PER3: variants seen among roughly 807,000 people sequenced by gnomAD.
The protein encoded by PER3 is period circadian protein homolog 3.
Under a neutral mutation model 127.2 loss-of-function variants are expected in PER3, and 107 were observed. That is an observed-to-expected ratio of 0.84 (90% CI 0.72 to 0.99). PER3 has a LOEUF of 0.99. PER3 is among the 50% of genes least tolerant of loss of function. The pLI, the probability that PER3 is intolerant of heterozygous loss-of-function variation, is 0.00. For synonymous variants in PER3, 618 were observed against 585.8 expected (o/e 1.05, Z -0.79); for missense variants, 1,560 against 1,525.8 (o/e 1.02, Z -0.37).
intron 7 of PER3, among the ~76,000 whole-genome samples, chr1:7,800,843 G>C (rs1165758804): frequency 7.5e-6 from 1 of 133,370 alleles, no homozygotes; most frequent in Non-Finnish European, 1.6e-5. Flanking sequence ...AAAAAAAAAA[G>C]AGAGAAAACT....
chr1:7,822,449 C>T (rs2097281612), intron 16 of PER3, among the ~76,000 whole-genome samples: 1 of 151,920 alleles, frequency 6.6e-6, no homozygotes, highest in African/African-American at 2.4e-5. Flanking sequence ...GAGATGATAT[C>T]ACCATGTTGG....
chr1:7,785,891 C>T (rs892171512), intron 3 of PER3, among the ~76,000 whole-genome samples: 1 of 152,196 alleles, frequency 6.6e-6, no homozygotes, highest in Non-Finnish European at 1.5e-5. Context: ...ATATTGTCTT[C>T]TATGGAAGTT....
At chr1:7,793,523 AAAAG>A (rs1188783437) in intron 5 of PER3, among the ~76,000 whole-genome samples, 6 of 152,216 alleles carry the variant, frequency 3.9e-5, no homozygotes, top group African/African-American at 1.2e-4. Context: ...CTTAAAGAAA[AAAAG>A]AAAATTATAT....
At chr1:7,830,992 G>A (rs942159931) in intron 19 of PER3, among the ~76,000 whole-genome samples, 1 of 152,112 alleles carries the variant, frequency 6.6e-6, no homozygotes, top group Non-Finnish European at 1.5e-5. Flanking sequence ...CCATTTCTCA[G>A]TTTCTACAAA....
intron 21 of PER3, among the ~76,000 whole-genome samples, 172 bp downstream of exon 21, chr1:7,837,321 CAT>C (rs1036358256): frequency 1.3e-5 from 2 of 152,166 alleles, no homozygotes; most frequent in Non-Finnish European, 2.9e-5. Context: ...AGGTTATACA[CAT>C]GTGAAATAAT....
chr1:7,786,798 C>G lies in PER3; in HGVS notation c.352C>G (p.Leu118Val), dbSNP rs959966361. 6.2e-7 allele frequency: 1 copy of G among 1,609,568 alleles called. No individual in the cohort carries two copies. Among genetic ancestry groups the G allele is most frequent in the African/African-American group, 1.3e-5 (1 of 74,934 alleles). The change falls in exon 4 of 22, where the codon CTG becomes GTG. Residue 118 changes from leucine to valine, a missense_variant. By Grantham distance (32) the Leu-to-Val change is conservative (BLOSUM62 1). Around this residue, in one of 3 missense-constraint regions of PER3, gnomAD observed 1,332 missense variants for 1,223.6 expected, o/e 1.09. Coordinates refer to ENST00000377532, the MANE Select transcript of PER3 (RefSeq NM_001377275.1). ...TGTGAGCATGTACAGTCTTGAGGAGCTGGCCACTATCGCTTCAGAACACAC... is the reference window on the plus strand; with the variant it reads ...TGTGAGCATGTACAGTCTTGAGGAGGTGGCCACTATCGCTTCAGAACACAC... ...ADVSMYSLEE[L>V]ATIASEHTSK...
chr1:7,799,936 T>TTTTA (rs201853268), intron 7 of PER3, among the ~76,000 whole-genome samples: 1,946 of 151,830 alleles, frequency 0.013, 42 homozygotes, highest in African/African-American at 0.044. Context: ...GCCTGACTAA[T>TTTTA]TTTATTTATT....
rs2097313403 is a variant in PER3, at chr1:7,828,454, T to G, written c.2886+639T>G. ...AACTTTGGAATCTGACGTTCCTATA[T>G]TTAGGTATAGAATCCAAGGCAAGTG... On this transcript the variant is annotated intron_variant, in intron 18 of 21. Coordinates refer to ENST00000377532, the MANE Select transcript of PER3 (RefSeq NM_001377275.1). Among the ~76,000 whole-genome samples, 5 of 152,254 alleles carry G rather than the reference T, an allele frequency of 3.3e-5. No homozygotes were observed. In the South Asian group the frequency reaches 1.0e-3, roughly 32 times the overall value.
At chr1:7,785,635 T>G in intron 3 of PER3, 49 bp downstream of exon 3, 7 of 1,542,044 alleles carry the variant, frequency 4.5e-6, no homozygotes, top group Non-Finnish European at 6.2e-6. Flanking sequence ...CCAGGACTCA[T>G]ACAAGCAGCC....
Position 7,788,201 on chromosome 1 carries a change from A to G in PER3, c.547A>G (p.Thr183Ala). The change falls in exon 5 of 22, where the codon ACT (threonine) becomes GCT (alanine). Residue 183 changes from threonine (T) to alanine (A), a missense_variant. Physicochemically the swap from Thr to Ala is moderately conservative, Grantham distance 58. This residue lies in a region of PER3 where 1,332 missense variants were observed against 1,223.6 expected (regional missense o/e 1.09). Transcript: ENST00000377532. Reference sequence around the variant, plus strand: ...AGACATGAGGGTATTCTACGCGCACACTGCCAGAGCTCAGCTTCCTTTCTG... The same window carrying G: ...AGACATGAGGGTATTCTACGCGCACGCTGCCAGAGCTCAGCTTCCTTTCTG... ...PQDMRVFYAH[T>A]ARAQLPFWNN... The G allele has an allele frequency of 6.2e-7, 1 of 1,614,140 alleles. No individual in the cohort carries two copies.
At chr1:7,788,346 C>T in intron 5 of PER3, 100 bp downstream of exon 5, 1 of 828,904 alleles carries the variant, frequency 1.2e-6, no homozygotes, top group South Asian at 1.6e-5. Context: ...AGAACATGCA[C>T]ACTATCTGGT....
chr1:7,826,686 A>G lies in PER3; in HGVS notation c.2164A>G (p.Lys722Glu). 6.2e-7 allele frequency: 1 copy of G among 1,603,912 alleles called. No individual in the cohort carries two copies. The highest frequency in any genetic ancestry group is 1.7e-4 in the Middle Eastern group (1 of 6,042). The change falls in exon 17 of 22, where the codon AAA (lysine) becomes GAA (glutamate). Residue 722 changes from lysine (K) to glutamate (E), a missense_variant. Lys to Glu is a moderately conservative substitution (Grantham distance 56). Around this residue, in one of 3 missense-constraint regions of PER3, gnomAD observed 1,332 missense variants for 1,223.6 expected, o/e 1.09. Transcript: ENST00000377532. This position sits in a 1 kb window ranked among gnomAD's most constrained non-coding sequence, Gnocchi z 4.2. ...SSYLQQESRS[K>E]AKYSYFQGDS... ...CTATCTTCAGCAAGAAAGCAGGAGC[A>G]AAGCTAAATATTCATATTTTCAAGG...
intron 6 of PER3, among the ~76,000 whole-genome samples, chr1:7,798,149 CCT>C (rs1400518254): frequency 6.6e-6 from 1 of 152,148 alleles, no homozygotes; most frequent in Admixed American, 6.5e-5. Context: ...TGCAGGGGAC[CCT>C]GTTTTCTCTC....
chr1:7,789,420 T>G (rs1389607636), intron 5 of PER3, among the ~76,000 whole-genome samples: 1 of 152,158 alleles, frequency 6.6e-6, no homozygotes, highest in African/African-American at 2.4e-5. Context: ...AATGGGAGTT[T>G]CTCTGCACAA....
intron 6 of PER3, among the ~76,000 whole-genome samples, chr1:7,798,171 C>G (rs562575655): frequency 6.6e-6 from 1 of 152,276 alleles, no homozygotes; most frequent in African/African-American, 2.4e-5. Context: ...CTTGTGACAC[C>G]TGTTGTAGAT....
chr1:7,841,430 C>T (rs1340811564), intron 21 of PER3, among the ~76,000 whole-genome samples: 1 of 152,098 alleles, frequency 6.6e-6, no homozygotes, highest in Non-Finnish European at 1.5e-5. Flanking sequence ...CCCACTCTGA[C>T]TCCCACAAGC....
Position 7,827,635 on chromosome 1 carries a change from C to G in PER3, c.2706C>G (p.Pro902=). 3 of 1,614,204 alleles carry G rather than the reference C, an allele frequency of 1.9e-6. No homozygotes were observed. The highest frequency in any genetic ancestry group is 2.5e-6 in the Non-Finnish European group (3 of 1,180,034). ...CAATGAGTCCAACTCTGGACCCACC[C>G]CCTTCAGTCACCAGCCAAAGGAGAG... The part of the protein sequence containing the change: ...SSAMSPTLDP[P]PSVTSQRREE... Residue 902 remains proline (P), a synonymous_variant, in exon 18 of 22, where the codon CCC becomes CCG. Coordinates refer to ENST00000377532, the MANE Select transcript of PER3 (RefSeq NM_001377275.1).
intron 19 of PER3, among the ~76,000 whole-genome samples, chr1:7,833,952 T>C (rs1047497822): frequency 2.0e-5 from 3 of 152,166 alleles, no homozygotes; most frequent in Non-Finnish European, 4.4e-5. Context: ...AGACTGAGTC[T>C]CACTCTGTCA....
intron 5 of PER3, among the ~76,000 whole-genome samples, chr1:7,792,515 C>T (rs1266307810): frequency 6.6e-6 from 1 of 152,162 alleles, no homozygotes; most frequent in African/African-American, 2.4e-5. Context: ...CCATAAGGCA[C>T]GATATAATTC....
Sources: allele counts gnomAD v4.1 joint callset (sites outside exome capture counted in the v4.1 genomes callset), GRCh38; gene constraint gnomAD v4.1.1; regional missense constraint gnomAD v4.1.1; non-coding constraint Gnocchi (gnomAD v3.1); transcripts MANE v1.5; gene names NCBI Gene and HGNC (gene_info 2026-07-23, HGNC 2026-07-21).